The following CPQ variants were observed in gnomAD, a reference collection of about 807,000 sequenced individuals.
CPQ encodes the protein carboxypeptidase Q, also known as Ser-Met dipeptidase.
CPQ carries 37 observed loss-of-function variants against 45.7 expected under a neutral mutation model. The ratio of observed to expected loss-of-function variants is 0.81; its 90% CI spans 0.62 to 1.07. The LOEUF (loss-of-function observed/expected upper bound fraction) is 1.07, where lower values mean the gene tolerates loss of function less well. Among genes scored for constraint, CPQ ranks in the 50% least tolerant of loss-of-function variants. The probability of loss-of-function intolerance (pLI) is 0.00; values close to 1 mark genes in which losing one functional copy is unlikely to be tolerated. For missense variants in CPQ, 537 were observed against 572.9 expected (o/e 0.94, Z 0.64); for synonymous variants, 186 against 205.8 (o/e 0.90, Z 0.82).
At chr8:96,650,006 G>T (rs1430770191) in intron 1 of CPQ, among the ~76,000 whole-genome samples, 1 of 152,230 alleles carries the variant, frequency 6.6e-6, no homozygotes, top group Non-Finnish European at 1.5e-5. Context: ...GTTGCAGAAA[G>T]CAGTGGTTTC....
chr8:96,753,758 A>C (rs1002914996), intron 1 of CPQ, among the ~76,000 whole-genome samples: 2 of 152,008 alleles, frequency 1.3e-5, no homozygotes, highest in Non-Finnish European at 2.9e-5. Context: ...CTTTTGAAAT[A>C]GTTGTATCTT....
intron 3 of CPQ, among the ~76,000 whole-genome samples, chr8:96,861,645 G>T (rs1811927391): frequency 6.6e-6 from 1 of 152,040 alleles, no homozygotes; most frequent in Non-Finnish European, 1.5e-5. Context: ...TGTGCCTATT[G>T]TTAAACAAAC....
intron 7 of CPQ, among the ~76,000 whole-genome samples, chr8:97,103,135 A>G (rs1257892330): frequency 1.3e-5 from 2 of 152,166 alleles, no homozygotes; most frequent in Non-Finnish European, 2.9e-5. Context: ...CAGATAACTC[A>G]GGATAATCAA....
chr8:96,819,797 C>T (rs1811277167), intron 2 of CPQ, among the ~76,000 whole-genome samples: 2 of 152,008 alleles, frequency 1.3e-5, no homozygotes, highest in Non-Finnish European at 2.9e-5. Flanking sequence ...GTAGCCATGG[C>T]TTTGCTTGTG....
At chr8:96,995,940 G>C (rs1179566560) in intron 5 of CPQ, among the ~76,000 whole-genome samples, 5 of 151,964 alleles carry the variant, frequency 3.3e-5, no homozygotes, top group African/African-American at 1.2e-4. Context: ...AAGGTATTCA[G>C]AGTAGACCAG....
At chr8:96,750,792 C>T (rs371545887) in intron 1 of CPQ, among the ~76,000 whole-genome samples, 2 of 151,986 alleles carry the variant, frequency 1.3e-5, no homozygotes, top group East Asian at 1.9e-4. Context: ...TCCCCTGAAC[C>T]GCTCTCCCAA....
At chr8:97,076,857 C>T (rs922202893) in intron 7 of CPQ, among the ~76,000 whole-genome samples, 1 of 152,026 alleles carries the variant, frequency 6.6e-6, no homozygotes, top group African/African-American at 2.4e-5. Context: ...GGTGCTGAGC[C>T]CTGCACACAA....
chr8:96,733,044 G>C (rs1043333266), intron 1 of CPQ, among the ~76,000 whole-genome samples: 1 of 152,070 alleles, frequency 6.6e-6, no homozygotes, highest in African/African-American at 2.4e-5. Context: ...ATTTCAAAAG[G>C]AGTCTCCTGT....
chr8:97,028,135 A>G (rs1431459827), intron 5 of CPQ, among the ~76,000 whole-genome samples: 1 of 152,262 alleles, frequency 6.6e-6, no homozygotes, highest in African/African-American at 2.4e-5. Context: ...GTCAGCCTGC[A>G]TCCTAAACCT....
chr8:96,727,291 C>A (rs1586375469), intron 1 of CPQ, among the ~76,000 whole-genome samples: 1 of 152,234 alleles, frequency 6.6e-6, no homozygotes, highest in Non-Finnish European at 1.5e-5. Context: ...TTAGTCCTGT[C>A]CCTACAGTTC....
intron 2 of CPQ, among the ~76,000 whole-genome samples, chr8:96,803,629 G>T (rs1811036400): frequency 2.0e-5 from 3 of 152,122 alleles, no homozygotes; most frequent in Admixed American, 2.0e-4. Context: ...TCCATAAAAG[G>T]TAGTCATGTC....
At chr8:96,979,633 G>T (rs1228798082) in intron 5 of CPQ, among the ~76,000 whole-genome samples, 1 of 152,152 alleles carries the variant, frequency 6.6e-6, no homozygotes, top group Non-Finnish European at 1.5e-5. Context: ...AAGAAAATAT[G>T]CTATGAACAT....
At chr8:96,944,194 C>A (rs1167629949) in intron 4 of CPQ, among the ~76,000 whole-genome samples, 1 of 152,032 alleles carries the variant, frequency 6.6e-6, no homozygotes, top group Non-Finnish European at 1.5e-5. Flanking sequence ...TCCCGGAGTT[C>A]TGTCTATGAT....
intron 3 of CPQ, among the ~76,000 whole-genome samples, chr8:96,839,812 TTAC>T (rs1285323331): frequency 2.0e-5 from 3 of 152,140 alleles, no homozygotes; most frequent in African/African-American, 7.2e-5. Flanking sequence ...AGAAAGGAAA[TTAC>T]TATTTATTAA....
intron 2 of CPQ, among the ~76,000 whole-genome samples, chr8:96,792,742 G>T (rs765865536): frequency 1.3e-5 from 2 of 152,010 alleles, no homozygotes; most frequent in African/African-American, 4.8e-5. Context: ...TTTCCTTGGG[G>T]TATTATTCAC....
rs367581483 is a variant in CPQ at position 97,066,034 on chromosome 8, T to C, written c.1079T>C (p.Val360Ala). 1.9e-6 allele frequency: 3 copies of C among 1,611,444 alleles called. No individual in the cohort carries two copies. Among genetic ancestry groups the C allele is most frequent in the African/African-American group, 1.3e-5 (1 of 74,912 alleles). ...GTAAATATTTCCAACTACAGTCTGG[T>C]GATGGAGTCTGACGCAGGAACCTTC... ...HKVNISNYSL[V>A]MESDAGTFLP... Residue 360 changes from valine to alanine, a missense_variant, in exon 7 of 8, where the codon GTG becomes GCG. Coordinates refer to ENST00000220763, the MANE Select transcript of CPQ (RefSeq NM_016134.4).
intron 1 of CPQ, among the ~76,000 whole-genome samples, chr8:96,665,597 C>G (rs1208478381): frequency 6.6e-6 from 1 of 152,128 alleles, no homozygotes; most frequent in Non-Finnish European, 1.5e-5. Flanking sequence ...AGTAATTCAA[C>G]CAAGATGGGA....
At chr8:96,752,055 T>C (rs973929381) in intron 1 of CPQ, among the ~76,000 whole-genome samples, 1 of 152,078 alleles carries the variant, frequency 6.6e-6, no homozygotes, top group African/African-American at 2.4e-5. Flanking sequence ...AGTATAGTTT[T>C]AAGGTGGGTA....
chr8:97,012,294 C>T (rs2130440921), intron 5 of CPQ, among the ~76,000 whole-genome samples: 1 of 152,222 alleles, frequency 6.6e-6, no homozygotes, highest in East Asian at 1.9e-4. Flanking sequence ...ATTTTAGTTT[C>T]TTCTTTTATG....
Sources: gnomAD v4.1 joint callset for allele counts (sites outside exome capture counted in the v4.1 genomes callset) on GRCh38, gnomAD v4.1.1 for gene constraint, MANE v1.5 for transcripts, NCBI Gene and HGNC (gene_info 2026-07-23, HGNC 2026-07-21) for gene names.